The following UPF2 variants were observed in gnomAD, a reference collection of about 807,000 sequenced individuals.
UPF2 encodes the protein regulator of nonsense transcripts 2.
In UPF2, 17 loss-of-function variants were observed where a neutral mutation model predicts 141.4. The ratio of observed to expected loss-of-function variants is 0.12; its 90% confidence interval spans 0.08 to 0.18. The LOEUF (loss-of-function observed/expected upper bound fraction) is 0.18. Among genes scored for constraint, UPF2 ranks in the 10% least tolerant of loss-of-function variants. The probability of loss-of-function intolerance (pLI) is 1.00; values close to 1 mark genes in which losing one functional copy is unlikely to be tolerated. For synonymous variants in UPF2, 540 were observed against 498.0 expected, an observed-to-expected ratio of 1.08 and a Z score of -1.12; for missense variants, 1,152 against 1,515.9, an observed-to-expected ratio of 0.76 and a Z score of 3.99.
intron 15 of UPF2, among the ~76,000 whole-genome samples, chr10:11,950,024 T>C (rs1833053340): frequency 1.3e-5 from 2 of 152,016 alleles, no homozygotes; most frequent in African/African-American, 4.8e-5. Flanking sequence ...CATAATGTAT[T>C]AAGTAGAACC....
At chr10:12,012,650 T>C (rs1834149692) in intron 4 of UPF2, among the ~76,000 whole-genome samples, 1 of 151,448 alleles carries the variant, frequency 6.6e-6, no homozygotes, top group Non-Finnish European at 1.5e-5. Context: ...ACACAAAAAC[T>C]TAGGTGGGCG....
chr10:11,989,032 G>A (rs537829951), intron 8 of UPF2, among the ~76,000 whole-genome samples: 1 of 152,082 alleles, frequency 6.6e-6, no homozygotes, highest in Non-Finnish European at 1.5e-5. Context: ...AATGCACCTG[G>A]AAGTGAAGGA....
intron 3 of UPF2, among the ~76,000 whole-genome samples, chr10:12,020,392 C>G (rs533161525): frequency 6.6e-6 from 1 of 152,252 alleles, no homozygotes; most frequent in South Asian, 2.1e-4. Flanking sequence ...GCTGGGATTA[C>G]AGGCATGCGC....
chr10:12,021,568 T>A (rs771893130), intron 3 of UPF2, among the ~76,000 whole-genome samples: 11 of 152,004 alleles, frequency 7.2e-5, no homozygotes, highest in Non-Finnish European at 1.6e-4. Flanking sequence ...TGTAAAATGA[T>A]ATTTTCATGA....
chr10:11,980,118 T>C lies in UPF2; in HGVS notation c.1845-953A>G, dbSNP rs1022406223. Among the ~76,000 whole-genome samples the C allele has an allele frequency of 6.6e-6, 1 of 152,216 alleles. No homozygotes were observed. Among genetic ancestry groups the C allele is most frequent in the Non-Finnish European group, 1.5e-5 (1 of 68,036 alleles). The stretch of plus-strand genomic sequence containing the variant: ...CCATTGTCAAAGCACTCTTTCCCAT[T>C]ACACAGGAATGATGCTCCAGAATCC... On this transcript the variant is annotated intron_variant, in intron 8 of 21. Coordinates refer to ENST00000357604, the MANE Select transcript of UPF2 (RefSeq NM_015542.4). This position sits in a 1 kb window ranked among gnomAD's most constrained non-coding sequence, Gnocchi z 4.2.
rs1834272332 is a variant in UPF2 at position 12,019,011 on chromosome 10, C to T, written c.1146-4827G>A. 6.6e-6 allele frequency among the ~76,000 whole-genome samples: 1 copy of T among 152,162 alleles called. No homozygotes were observed. Among genetic ancestry groups the T allele is most frequent in the South Asian group, 2.1e-4 (1 of 4,830 alleles). ...ATGACCAAAATTTCTCATGTGAATT[C>T]CATGGGAATGTATCACTGAAAATAT... On this transcript the variant is annotated intron_variant, in intron 3 of 21. Coordinates refer to ENST00000357604, the MANE Select transcript of UPF2 (RefSeq NM_015542.4). The surrounding 1 kb of genome is among the most constrained non-coding windows in gnomAD (Gnocchi z 4.5).
intron 14 of UPF2, among the ~76,000 whole-genome samples, chr10:11,954,127 G>A (rs533845012): frequency 3.3e-5 from 5 of 152,162 alleles, no homozygotes; most frequent in African/African-American, 1.2e-4. Context: ...GTTAACCTCT[G>A]AAATACAAAC....
chr10:11,941,590 T>C lies in UPF2; in HGVS notation c.3378+1075A>G, dbSNP rs187609213. 2.6e-5 allele frequency among the ~76,000 whole-genome samples: 4 copies of C among 152,230 alleles called. No homozygotes were observed. The East Asian group carries it at 5.8e-4, about 22-fold the overall frequency. On this transcript the variant is annotated intron_variant, in intron 18 of 21. Coordinates refer to ENST00000357604, the MANE Select transcript of UPF2 (RefSeq NM_015542.4). ...AAAAAAAAAAACCCTGTCTTTTAAC[T>C]CTACGACCTTCTCTAGCTACCTCCC...
At chr10:12,026,074 G>A (rs534395126) in intron 3 of UPF2, among the ~76,000 whole-genome samples, 4 of 152,250 alleles carry the variant, frequency 2.6e-5, no homozygotes, top group Admixed American at 6.5e-5. Context: ...CATTACAGGC[G>A]TGAGCCACCG....
At chr10:11,967,508 A>AT in intron 9 of UPF2, 54 bp from the exon 10 acceptor site, 1 of 1,011,022 alleles carries the variant, frequency 9.9e-7, no homozygotes, top group South Asian at 1.6e-5. Context: ...AATCTCTGTG[A>AT]TAAAAACTAT....
At position 12,032,260 on chromosome 10, in the gene UPF2, T is replaced by C. The variant is rs377214747; in HGVS notation, c.366-2736A>G. Among the ~76,000 whole-genome samples, 15 of 150,954 alleles carry C rather than the reference T, an allele frequency of 9.9e-5. 1 individual carries two copies. The highest frequency in any genetic ancestry group is 3.7e-4 in the African/African-American group (15 of 41,036). ...GGTGAGCCGAGATCGCGCCATTGCA[T>C]TCCAGCCTGGGCAACAAGAGTGAAA... On this transcript the variant is annotated intron_variant, in intron 2 of 21. Transcript: ENST00000357604.
intron 8 of UPF2, among the ~76,000 whole-genome samples, chr10:11,997,002 A>T (rs894229486): frequency 2.0e-5 from 3 of 152,160 alleles, no homozygotes; most frequent in Non-Finnish European, 2.9e-5. Flanking sequence ...AAATTATTTA[A>T]TTATTTATTG....
At chr10:11,923,179 T>C (rs1832668065) in intron 21 of UPF2, 2 of 152,270 alleles carry the variant, frequency 1.3e-5, no homozygotes, top group African/African-American at 4.8e-5. Context: ...CCAGAGCTTG[T>C]TGTGCTCACT....
At chr10:12,004,479 G>T in intron 5 of UPF2, 51 bp downstream of exon 5, 3 of 1,394,464 alleles carry the variant, frequency 2.2e-6, no homozygotes, top group Non-Finnish European at 1.9e-6. Context: ...ATACTATTTT[G>T]AAGCTAATTC....
intron 4 of UPF2, among the ~76,000 whole-genome samples, chr10:12,005,440 T>C (rs1353350031): frequency 6.6e-6 from 1 of 152,242 alleles, no homozygotes; most frequent in African/African-American, 2.4e-5. Flanking sequence ...TCTTTCCTCA[T>C]AAGGTTTAAT....
intron 4 of UPF2, among the ~76,000 whole-genome samples, chr10:12,005,610 C>A (rs7896891): frequency 5.3e-5 from 8 of 152,082 alleles, no homozygotes; most frequent in Non-Finnish European, 5.9e-5. Context: ...ACTCTGTCAC[C>A]CAGGCTGGAG....
Position 12,035,433 on chromosome 10 carries a change from C to G in UPF2, c.-10G>C. ...TACGCTCAGCTGGCATTATGTGACCCAGGACAATCTGTAAGAGGGAAAGAA... is the reference window on the plus strand; with the variant it reads ...TACGCTCAGCTGGCATTATGTGACCGAGGACAATCTGTAAGAGGGAAAGAA... On this transcript the variant is annotated 5_prime_UTR_variant, in exon 2 of 22. Coordinates refer to ENST00000357604, the MANE Select transcript of UPF2 (RefSeq NM_015542.4). 6.5e-7 allele frequency: 1 copy of G among 1,543,446 alleles called. No individual in the cohort carries two copies. Among genetic ancestry groups the G allele is most frequent in the Non-Finnish European group, 8.7e-7 (1 of 1,154,112 alleles).
In UPF2 at chr10:11,954,147, G is replaced by A. The variant is rs140545412; in HGVS notation, c.2850+1085C>T. 1.5e-3 allele frequency among the ~76,000 whole-genome samples: 234 copies of A among 152,174 alleles called. 1 individual carries two copies. Among genetic ancestry groups the A allele is most frequent in the African/African-American group, 5.2e-3 (216 of 41,532 alleles). ...CCTCTGAAATACAAACTTTATAGAGGTTGTAGTACTGTCCCTGTATTTGTA... is the reference window on the plus strand; with the variant it reads ...CCTCTGAAATACAAACTTTATAGAGATTGTAGTACTGTCCCTGTATTTGTA... On this transcript the variant is annotated intron_variant, in intron 14 of 21. Coordinates refer to ENST00000357604, the MANE Select transcript of UPF2 (RefSeq NM_015542.4).
chr10:12,006,570 T>C (rs2131273720), intron 4 of UPF2, among the ~76,000 whole-genome samples: 1 of 152,314 alleles, frequency 6.6e-6, no homozygotes, highest in African/African-American at 2.4e-5. Flanking sequence ...CACAGACTTA[T>C]TAGGACACTA....
Sources: gnomAD v4.1 joint callset for allele counts (sites outside exome capture counted in the v4.1 genomes callset) on GRCh38, gnomAD v4.1.1 for gene constraint, Gnocchi (gnomAD v3.1) non-coding constraint, MANE v1.5 for transcripts, NCBI Gene and HGNC (gene_info 2026-07-23, HGNC 2026-07-21) for gene names.